The following PRKAG2 variants were observed in gnomAD, a reference collection of about 807,000 sequenced individuals.
PRKAG2 encodes the protein protein kinase AMP-activated non-catalytic subunit gamma 2.
PRKAG2 carries 26 observed loss-of-function variants against 69.6 expected under a neutral mutation model. That is an observed-to-expected ratio of 0.37 (90% CI 0.27 to 0.52). The LOEUF is 0.52. Among genes scored for constraint, PRKAG2 ranks in the 20% least tolerant of loss-of-function variants. PRKAG2 has a pLI of 0.90. For missense variants in PRKAG2, 557 were observed against 740.0 expected, an observed-to-expected ratio of 0.75 and a Z score of 2.87; for synonymous variants, 293 against 285.0, an observed-to-expected ratio of 1.03 and a Z score of -0.28.
At chr7:151,801,705 G>A (rs2077847343) in intron 1 of PRKAG2, among the ~76,000 whole-genome samples, 1 of 152,182 alleles carries the variant, frequency 6.6e-6, no homozygotes, top group East Asian at 1.9e-4. Context: ...TTCTAGAGGG[G>A]CTTGTTATAT....
intron 4 of PRKAG2, among the ~76,000 whole-genome samples, chr7:151,646,684 T>C (rs192398193): frequency 2.6e-5 from 4 of 152,384 alleles, no homozygotes; most frequent in Admixed American, 6.5e-5. Context: ...CAGTGTATTA[T>C]ACATAACTCT....
At chr7:151,733,310 G>T (rs1799256065) in intron 3 of PRKAG2, among the ~76,000 whole-genome samples, 2 of 152,212 alleles carry the variant, frequency 1.3e-5, no homozygotes, top group African/African-American at 4.8e-5. Context: ...AAATTCCAGA[G>T]GAAGGCTCTG....
chr7:151,682,943 C>T (rs1015466708), intron 3 of PRKAG2, among the ~76,000 whole-genome samples: 27 of 152,228 alleles, frequency 1.8e-4, no homozygotes, highest in Non-Finnish European at 3.5e-4. Flanking sequence ...TGGGCCATGG[C>T]CAAAGTCACC....
intron 3 of PRKAG2, among the ~76,000 whole-genome samples, chr7:151,712,021 G>A (rs1027394743): frequency 3.9e-5 from 6 of 152,216 alleles, no homozygotes; most frequent in East Asian, 1.9e-4. Context: ...CTCGGGTGAT[G>A]GAGGAGGTGT....
chr7:151,629,199 C>A lies in PRKAG2; in HGVS notation c.754+2870G>T, dbSNP rs1047886789. On this transcript the variant is annotated intron_variant, in intron 5 of 15. Coordinates refer to ENST00000287878, the MANE Select transcript of PRKAG2 (RefSeq NM_016203.4). ...TGACAGAAACTGAGACCATAACACCCGCAAAGGCTAAAATATTTACTATCT... is the reference window on the plus strand; with the variant it reads ...TGACAGAAACTGAGACCATAACACCAGCAAAGGCTAAAATATTTACTATCT... Among the ~76,000 whole-genome samples the A allele has an allele frequency of 2.0e-5, 3 of 152,144 alleles. No individual in the cohort carries two copies. In the East Asian group the frequency reaches 5.8e-4, roughly 29 times the overall value.
At chr7:151,679,883 G>A (rs1415061582) in intron 3 of PRKAG2, among the ~76,000 whole-genome samples, 1 of 150,010 alleles carries the variant, frequency 6.7e-6, no homozygotes, top group East Asian at 2.0e-4. Context: ...AGGGCAACAT[G>A]GCAAGACCCT....
At chr7:151,830,016 C>T (rs1382532018) in intron 1 of PRKAG2, among the ~76,000 whole-genome samples, 1 of 151,728 alleles carries the variant, frequency 6.6e-6, no homozygotes, top group Non-Finnish European at 1.5e-5. Flanking sequence ...GACAGAACCA[C>T]ACTTTCTGCG....
intron 1 of PRKAG2, among the ~76,000 whole-genome samples, chr7:151,830,701 G>T (rs2079004125): frequency 6.6e-6 from 1 of 151,130 alleles, no homozygotes; most frequent in Non-Finnish European, 1.5e-5. Flanking sequence ...GAGGCCTCCT[G>T]CGGGATGGTG....
intron 1 of PRKAG2, among the ~76,000 whole-genome samples, chr7:151,820,328 T>A (rs1298043021): frequency 1.3e-5 from 2 of 152,252 alleles, no homozygotes; most frequent in Non-Finnish European, 2.9e-5. Context: ...CCTACCCCCA[T>A]CACGATTACT....
At chr7:151,845,107 T>C (rs1305346726) in intron 1 of PRKAG2, among the ~76,000 whole-genome samples, 13 of 150,098 alleles carry the variant, frequency 8.7e-5, no homozygotes, top group Non-Finnish European at 1.3e-4. Flanking sequence ...GCCCCCCACA[T>C]CTCAACCCCA....
intron 4 of PRKAG2, among the ~76,000 whole-genome samples, chr7:151,671,673 A>G (rs1263102387): frequency 2.6e-5 from 4 of 152,392 alleles, no homozygotes. Flanking sequence ...ATTTGGAAGC[A>G]GAGTCTTTGC....
At chr7:151,679,957 T>C (rs1833589969) in intron 3 of PRKAG2, among the ~76,000 whole-genome samples, 1 of 151,458 alleles carries the variant, frequency 6.6e-6, no homozygotes. Context: ...CTCAGCTACA[T>C]GGCGAGATTG....
At position 151,814,300 on chromosome 7, in the gene PRKAG2, AT is replaced by A. The variant is rs1480947841; in HGVS notation, c.115-27760del. ...GAGGCTCTTGGAGAACAAAGCCACA[AT>A]TCAGCATCAGTCTTACACACCAAGG... On this transcript the variant is annotated intron_variant, in intron 1 of 15. Transcript: ENST00000287878. The surrounding 1 kb of genome is among the most constrained non-coding windows in gnomAD (Gnocchi z 4.8). 4.3e-6 allele frequency: 3 copies of A among 701,790 alleles called. No homozygotes were observed. In the African/African-American group the frequency reaches 5.6e-5, roughly 13 times the overall value. The allele number at this position is 701,790 out of a possible 1,614,324, so 43.5% of individuals were successfully genotyped here. A position where few individuals can be genotyped will look rare whatever the true frequency, so the allele number is the denominator to read the frequency against.
chr7:151,695,271 G>A (rs1011741378), intron 3 of PRKAG2, among the ~76,000 whole-genome samples: 3 of 152,140 alleles, frequency 2.0e-5, no homozygotes, highest in African/African-American at 7.2e-5. Flanking sequence ...TTCCTCTTAT[G>A]TGACCATAAA....
At chr7:151,611,376 A>G (rs1444382902) in intron 5 of PRKAG2, among the ~76,000 whole-genome samples, 1 of 152,250 alleles carries the variant, frequency 6.6e-6, no homozygotes, top group Non-Finnish European at 1.5e-5. Context: ...GCTCAGATCC[A>G]GGGCGGTGCA....
chr7:151,758,999 A>C (rs1160264152), intron 3 of PRKAG2, among the ~76,000 whole-genome samples: 1 of 152,152 alleles, frequency 6.6e-6, no homozygotes, highest in African/African-American at 2.4e-5. Context: ...TTTACTGCAC[A>C]GTAGCCAGAC....
At position 151,756,774 on chromosome 7, in the gene PRKAG2, C is replaced by A. The variant is rs888108135; in HGVS notation, c.466+24378G>T. ...GGTCGCTTCCCAAACTCTAGTCTGG[C>A]GTCTCAGCTCTTTCCTCACCTTTAT... On this transcript the variant is annotated intron_variant, in intron 3 of 15. Transcript: ENST00000287878. This position sits in a 1 kb window ranked among gnomAD's most constrained non-coding sequence, Gnocchi z 4.9. 2.0e-5 allele frequency among the ~76,000 whole-genome samples: 3 copies of A among 152,198 alleles called. No individual in the cohort carries two copies. The highest frequency in any genetic ancestry group is 4.4e-5 in the Non-Finnish European group (3 of 68,034).
intron 1 of PRKAG2, among the ~76,000 whole-genome samples, chr7:151,875,515 C>G (rs1199283253): frequency 2.0e-5 from 3 of 151,716 alleles, no homozygotes; most frequent in African/African-American, 7.3e-5. Flanking sequence ...CTGCGCACTC[C>G]CACCCTGCCC....
chr7:151,575,027 A>G, intron 7 of PRKAG2, 78 bp from the exon 8 acceptor site: 3 of 1,577,018 alleles, frequency 1.9e-6, no homozygotes, highest in Non-Finnish European at 2.6e-6. Context: ...TGAGCCTAGA[A>G]TATATGCTAG....
Sources: gnomAD v4.1 joint callset for allele counts (sites outside exome capture counted in the v4.1 genomes callset) on GRCh38, gnomAD v4.1.1 for gene constraint, Gnocchi (gnomAD v3.1) non-coding constraint, MANE v1.5 for transcripts, NCBI Gene and HGNC (gene_info 2026-07-23, HGNC 2026-07-21) for gene names.